DMD: variants seen among roughly 807,000 people sequenced by gnomAD.
DMD encodes the protein dystrophin, also known as mutant dystrophin.
In DMD, 63 loss-of-function variants were observed where a neutral mutation model predicts 330.1. That is an observed-to-expected ratio of 0.19 (90% CI 0.16 to 0.24). The LOEUF is 0.24. Among genes scored for constraint, DMD ranks in the 10% least tolerant of loss-of-function variants. The probability of loss-of-function intolerance (pLI) is 1.00; values close to 1 mark genes in which losing one functional copy is unlikely to be tolerated. For missense variants in DMD, 3,344 were observed against 2,684.1 expected (o/e 1.25, Z -5.43); for synonymous variants, 1,223 against 959.8 (o/e 1.27, Z -5.07).
chrX:31,508,803 A>G (rs1168000792), intron 55 of DMD, among the ~76,000 whole-genome samples: 4 of 111,045 alleles, frequency 3.6e-5, no homozygotes, highest in African/African-American at 1.3e-4. Flanking sequence ...TCTCTCTCTC[A>G]AATTGAATTA....
upstream of DMD, among the ~76,000 whole-genome samples, chrX:33,214,757 G>T (rs890141469): frequency 1.8e-5 from 2 of 111,744 alleles, no homozygotes; most frequent in Non-Finnish European, 3.8e-5. Context: ...GGGCTCAAGT[G>T]ATCCTCCTGC....
chrX:32,955,004 C>G (rs889205091), intron 2 of DMD, among the ~76,000 whole-genome samples: 3 of 111,750 alleles, frequency 2.7e-5, no homozygotes, highest in African/African-American at 9.8e-5. Flanking sequence ...AATGAACATA[C>G]GTGTGCATGT....
intron 29 of DMD, 170 bp from the exon 30 acceptor site, chrX:32,412,083 G>A: frequency 1.7e-6 from 2 of 1,176,164 alleles, no homozygotes; most frequent in Non-Finnish European, 2.3e-6. Context: ...GAAAAAAAAT[G>A]TGAAGGAGAA....
chrX:31,444,393 GA>G, intron 60 of DMD, 87 bp downstream of exon 60: 2 of 1,059,939 alleles, frequency 1.9e-6, no homozygotes, highest in Admixed American at 2.2e-5. Flanking sequence ...AACATTACAT[GA>G]AAAAAGTACT....
chrX:32,932,837 T>C (rs1378464237), intron 2 of DMD, among the ~76,000 whole-genome samples: 1 of 112,010 alleles, frequency 8.9e-6, no homozygotes, highest in Non-Finnish European at 1.9e-5. Flanking sequence ...CGTGCAAAAC[T>C]TCTGAGCAAA....
At chrX:32,916,631 T>C (rs974565355) in intron 2 of DMD, among the ~76,000 whole-genome samples, 1 of 111,652 alleles carries the variant, frequency 9.0e-6, no homozygotes, top group Non-Finnish European at 1.9e-5. Flanking sequence ...TTTTTAAAGA[T>C]GTGATATTAG....
intron 43 of DMD, among the ~76,000 whole-genome samples, chrX:32,276,682 G>A (rs2097389662): frequency 9.0e-6 from 1 of 111,155 alleles, no homozygotes; most frequent in Admixed American, 9.6e-5. Context: ...CACTTTGGGA[G>A]GCCGAAGTAG....
chrX:32,208,479 G>C (rs916337673), intron 44 of DMD, among the ~76,000 whole-genome samples: 3 of 111,597 alleles, frequency 2.7e-5, no homozygotes, highest in Non-Finnish European at 5.7e-5. Context: ...ATATAAGCAA[G>C]AGAGACTGCC....
At chrX:32,393,858 T>C (rs763885030) in intron 30 of DMD, among the ~76,000 whole-genome samples, 7 of 110,640 alleles carry the variant, frequency 6.3e-5, no homozygotes, top group Admixed American at 9.6e-5. Context: ...CAGTGACAGT[T>C]TGAGATAGGT....
At chrX:32,232,623 C>T (rs911002995) in intron 43 of DMD, among the ~76,000 whole-genome samples, 4 of 112,068 alleles carry the variant, frequency 3.6e-5, no homozygotes, top group African/African-American at 1.3e-4. Flanking sequence ...AGTCGGGCCC[C>T]TTTTGCTATT....
At chrX:32,662,072 A>T (rs2060983872) in intron 9 of DMD, among the ~76,000 whole-genome samples, 1 of 111,654 alleles carries the variant, frequency 9.0e-6, no homozygotes, top group Admixed American at 9.5e-5. Context: ...TACTATGTTT[A>T]AAAACAAAGT....
At chrX:33,319,790 C>G (rs2053988246) in intron 1 of DMD, among the ~76,000 whole-genome samples, 1 of 111,886 alleles carries the variant, frequency 8.9e-6, no homozygotes, top group Non-Finnish European at 1.9e-5. Context: ...GTGTTCATAA[C>G]AGTTTCTTTC....
chrX:32,956,448 T>C (rs1414841897), intron 2 of DMD, among the ~76,000 whole-genome samples: 1 of 111,374 alleles, frequency 9.0e-6, no homozygotes, highest in Non-Finnish European at 1.9e-5. Context: ...TGTGATTGCA[T>C]TACTGATTTC....
chrX:32,390,716 T>C (rs1469086335), intron 30 of DMD, among the ~76,000 whole-genome samples: 2 of 111,236 alleles, frequency 1.8e-5, no homozygotes, highest in African/African-American at 6.5e-5. Context: ...GGCAGAGTCT[T>C]GCTATGTGAC....
intron 30 of DMD, among the ~76,000 whole-genome samples, chrX:32,406,114 C>A (rs1200340525): frequency 1.8e-5 from 2 of 111,757 alleles, no homozygotes; most frequent in African/African-American, 6.5e-5. Flanking sequence ...CATGCTGAGA[C>A]TTTGCTGAAG....
At chrX:33,229,793 T>G (rs1168185799) in intron 1 of DMD, among the ~76,000 whole-genome samples, 2 of 112,363 alleles carry the variant, frequency 1.8e-5, no homozygotes, top group African/African-American at 6.4e-5. Flanking sequence ...CCAAGTCTAC[T>G]AAAAAGACCT....
chrX:33,076,897 T>C (rs1360255631), intron 1 of DMD, among the ~76,000 whole-genome samples: 2 of 111,227 alleles, frequency 1.8e-5, no homozygotes, highest in African/African-American at 3.3e-5. Context: ...TCCCCAAGCA[T>C]TCGGGGAGCA....
intron 7 of DMD, among the ~76,000 whole-genome samples, chrX:32,753,002 T>G (rs777119406): frequency 9.0e-6 from 1 of 111,094 alleles, no homozygotes; most frequent in African/African-American, 3.3e-5. Context: ...TATCTCTTTA[T>G]CAGCAGCATG....
At chrX:32,347,307 A>T (rs2097767461) in intron 38 of DMD, among the ~76,000 whole-genome samples, 1 of 112,022 alleles carries the variant, frequency 8.9e-6, no homozygotes, top group Non-Finnish European at 1.9e-5. Flanking sequence ...AAAAATTAAA[A>T]AACCCACTTC....
Sources: gnomAD v4.1 joint callset for allele counts (sites outside exome capture counted in the v4.1 genomes callset) on GRCh38, gnomAD v4.1.1 for gene constraint, MANE v1.5 for transcripts, NCBI Gene and HGNC (gene_info 2026-07-23, HGNC 2026-07-21) for gene names.